The following PARD3B variants were observed in gnomAD, a reference collection of about 807,000 sequenced individuals.
PARD3B encodes the protein par-3 family cell polarity regulator beta.
In PARD3B, 103 loss-of-function variants were observed where a neutral mutation model predicts 130.2. The ratio of observed to expected loss-of-function variants is 0.79; its 90% CI spans 0.67 to 0.93. The LOEUF is 0.93. Among genes scored for constraint, PARD3B ranks in the 40% least tolerant of loss-of-function variants. PARD3B has a pLI of 0.00. For missense variants in PARD3B, 1,609 were observed against 1,499.2 expected, an observed-to-expected ratio of 1.07 and a Z score of -1.21; for synonymous variants, 583 against 553.2, an observed-to-expected ratio of 1.05 and a Z score of -0.76.
At chr2:205,027,415 T>C (rs1205930812) in intron 3 of PARD3B, among the ~76,000 whole-genome samples, 1 of 152,196 alleles carries the variant, frequency 6.6e-6, no homozygotes, top group Non-Finnish European at 1.5e-5. Context: ...TGGTTATTTG[T>C]TTTTTGATAT....
intron 2 of PARD3B, among the ~76,000 whole-genome samples, chr2:204,706,964 G>T (rs1471788264): frequency 6.6e-6 from 1 of 152,184 alleles, no homozygotes; most frequent in African/African-American, 2.4e-5. Context: ...TGGAATAATG[G>T]ATAAGGGATT....
At chr2:205,174,176 AT>A (rs961045966) in intron 12 of PARD3B, among the ~76,000 whole-genome samples, 23 of 152,286 alleles carry the variant, frequency 1.5e-4, no homozygotes, top group Non-Finnish European at 2.9e-5. Flanking sequence ...TTTCATTTTA[AT>A]TCTCACACTC....
Position 205,301,543 on chromosome 2 carries a change from AGAG to A in PARD3B, c.2475_2477del (p.Glu825del). On this transcript the variant is annotated inframe_deletion, in exon 18 of 23. Transcript: ENST00000406610. The surrounding 1 kb of genome is among the most constrained non-coding windows in gnomAD (Gnocchi z 5.2). ...CTGCCCCTCAGGGGAATTCGGAGCT[AGAG>A]GACATGGAAAATAAAGCCAGGAAAG... The A allele has an allele frequency of 6.2e-7, 1 of 1,614,098 alleles. No individual in the cohort carries two copies. The highest frequency in any genetic ancestry group is 8.5e-7 in the Non-Finnish European group (1 of 1,180,028).
intron 1 of PARD3B, among the ~76,000 whole-genome samples, chr2:204,640,162 G>A (rs2035023870): frequency 1.3e-5 from 2 of 152,184 alleles, no homozygotes; most frequent in South Asian, 4.2e-4. Flanking sequence ...GCTGATATAG[G>A]AGAATCACCT....
At chr2:204,587,694 G>GT (rs1044282809) in intron 1 of PARD3B, among the ~76,000 whole-genome samples, 9 of 152,216 alleles carry the variant, frequency 5.9e-5, no homozygotes, top group African/African-American at 1.9e-4. Flanking sequence ...ATCTTGATTG[G>GT]TTTTTTATTT....
In PARD3B at chr2:204,664,872, C is replaced by T. The variant is rs2035957360; in HGVS notation, c.121-21309C>T. Among the ~76,000 whole-genome samples, 1 of 152,178 alleles carries T rather than the reference C, an allele frequency of 6.6e-6. No individual in the cohort carries two copies. The highest frequency in any genetic ancestry group is 2.4e-5 in the African/African-American group (1 of 41,452). On this transcript the variant is annotated intron_variant, in intron 1 of 22. Transcript: ENST00000406610. The surrounding 1 kb of genome is among the most constrained non-coding windows in gnomAD (Gnocchi z 5.2). ...CAGTGTCTTCTCACTCTCTCCTTTTCTTTCATCTCATTCTTTACCATGTTT... is the reference window on the plus strand; with the variant it reads ...CAGTGTCTTCTCACTCTCTCCTTTTTTTTCATCTCATTCTTTACCATGTTT...
intron 2 of PARD3B, among the ~76,000 whole-genome samples, chr2:204,899,516 A>G (rs1314973689): frequency 6.6e-6 from 1 of 152,088 alleles, no homozygotes; most frequent in Admixed American, 6.5e-5. Flanking sequence ...AAAACTCTAC[A>G]CTTTAACTTT....
intron 2 of PARD3B, among the ~76,000 whole-genome samples, chr2:204,935,264 T>C (rs1189226028): frequency 6.6e-6 from 1 of 151,486 alleles, no homozygotes; most frequent in Non-Finnish European, 1.5e-5. Flanking sequence ...GCGCAGTGGC[T>C]CACGCCTGTA....
chr2:204,737,526 G>A (rs2039811309), intron 2 of PARD3B, among the ~76,000 whole-genome samples: 1 of 152,090 alleles, frequency 6.6e-6, no homozygotes, highest in South Asian at 2.1e-4. Flanking sequence ...CCCATTCTGG[G>A]TGTTGTCTGT....
At chr2:205,466,400 A>G (rs1024156995) in intron 20 of PARD3B, among the ~76,000 whole-genome samples, 2 of 152,020 alleles carry the variant, frequency 1.3e-5, no homozygotes, top group East Asian at 3.9e-4. Flanking sequence ...GGTCTTTTTT[A>G]TATTTTAACT....
intron 2 of PARD3B, among the ~76,000 whole-genome samples, chr2:204,750,612 A>G (rs2040424088): frequency 6.6e-6 from 1 of 151,684 alleles, no homozygotes; most frequent in Admixed American, 6.6e-5. Context: ...ATACATACAT[A>G]CATACATACA....
At chr2:204,600,739 C>G (rs774628595) in intron 1 of PARD3B, among the ~76,000 whole-genome samples, 1 of 151,824 alleles carries the variant, frequency 6.6e-6, no homozygotes, top group Non-Finnish European at 1.5e-5. Flanking sequence ...AGTAACATCT[C>G]ATTCACATTT....
At chr2:204,866,943 C>T (rs2045444052) in intron 2 of PARD3B, among the ~76,000 whole-genome samples, 2 of 152,052 alleles carry the variant, frequency 1.3e-5, no homozygotes, top group Middle Eastern at 3.4e-3. Context: ...GTGGTGGGCA[C>T]CTGTAATCCC....
rs1461182442 is a variant in PARD3B, at chr2:205,429,736, C to T, written c.2742-10634C>T. Among the ~76,000 whole-genome samples the T allele has an allele frequency of 3.9e-4, 59 of 152,068 alleles. 2 individuals are homozygous for T. Among genetic ancestry groups the T allele is most frequent in the Admixed American group, 3.6e-3 (55 of 15,262 alleles). On this transcript the variant is annotated intron_variant, in intron 19 of 22. Coordinates refer to ENST00000406610, the MANE Select transcript of PARD3B (RefSeq NM_001302769.2). ...GGTATTTATATTGGTTTCATAGGGCCGCCATTTAACAGATTACCATCAACT... is the reference window on the plus strand; with the variant it reads ...GGTATTTATATTGGTTTCATAGGGCTGCCATTTAACAGATTACCATCAACT...
At chr2:205,047,800 G>C (rs1345686498) in intron 4 of PARD3B, 110 bp downstream of exon 4, 2 of 716,196 alleles carry the variant, frequency 2.8e-6, no homozygotes, top group Admixed American at 5.1e-5. Flanking sequence ...GAGATCTTTT[G>C]ATAGTATATA....
chr2:204,552,511 C>T (rs1004807986), intron 1 of PARD3B, among the ~76,000 whole-genome samples: 2 of 152,196 alleles, frequency 1.3e-5, no homozygotes, highest in African/African-American at 4.8e-5. Context: ...AATTAAGTCC[C>T]AGCTATTTAT....
At chr2:205,102,358 A>G (rs1165544602) in intron 4 of PARD3B, among the ~76,000 whole-genome samples, 2 of 151,870 alleles carry the variant, frequency 1.3e-5, no homozygotes, top group East Asian at 3.9e-4. Context: ...TGATTTTGGC[A>G]AAAATGAGGC....
intron 16 of PARD3B, among the ~76,000 whole-genome samples, chr2:205,251,806 G>A (rs1298703886): frequency 1.3e-5 from 2 of 151,988 alleles, no homozygotes; most frequent in Admixed American, 1.3e-4. Context: ...TTTCCTCATC[G>A]ACTCATTAAG....
intron 2 of PARD3B, among the ~76,000 whole-genome samples, chr2:204,897,068 T>G: frequency 6.6e-6 from 1 of 152,204 alleles, no homozygotes; most frequent in East Asian, 1.9e-4. Flanking sequence ...ATATTCTTAT[T>G]TTAAGTGTTT....
Sources: gnomAD v4.1 joint callset for allele counts (sites outside exome capture counted in the v4.1 genomes callset) on GRCh38, gnomAD v4.1.1 for gene constraint, Gnocchi (gnomAD v3.1) non-coding constraint, MANE v1.5 for transcripts, NCBI Gene and HGNC (gene_info 2026-07-23, HGNC 2026-07-21) for gene names.